The following MAP7 variants were observed in gnomAD, a reference collection of about 807,000 sequenced individuals.
The protein encoded by MAP7 is microtubule associated protein 7.
Under a neutral mutation model 94.8 loss-of-function variants are expected in MAP7, and 52 were observed. The ratio of observed to expected loss-of-function variants is 0.55; its 90% CI spans 0.44 to 0.69. The LOEUF (loss-of-function observed/expected upper bound fraction) is 0.69. Ranked by LOEUF, MAP7 falls within the 30% of genes least tolerant of loss-of-function variation. The pLI is 0.00. For missense variants in MAP7, 940 were observed against 964.6 expected, an observed-to-expected ratio of 0.97 and a Z score of 0.34; for synonymous variants, 350 against 357.0, an observed-to-expected ratio of 0.98 and a Z score of 0.22.
intron 1 of MAP7, among the ~76,000 whole-genome samples, chr6:136,521,290 G>A (rs1252581633): frequency 6.6e-6 from 1 of 152,146 alleles, no homozygotes; most frequent in South Asian, 2.1e-4. Context: ...TCTGTTTCAT[G>A]AGAAGTTTAT....
intron 1 of MAP7, among the ~76,000 whole-genome samples, chr6:136,481,638 TG>T (rs1812880920): frequency 6.6e-6 from 1 of 152,098 alleles, no homozygotes; most frequent in African/African-American, 2.4e-5. Context: ...GTGGTGGGGA[TG>T]GAGGGAGTAG....
chr6:136,449,726 G>GT (rs1456378266), intron 1 of MAP7, among the ~76,000 whole-genome samples: 1 of 152,214 alleles, frequency 6.6e-6, no homozygotes, highest in Non-Finnish European at 1.5e-5. Context: ...TTAATTTAAA[G>GT]GGGGGCAGAA....
intron 1 of MAP7, among the ~76,000 whole-genome samples, chr6:136,497,399 C>T (rs1448728153): frequency 6.6e-6 from 1 of 151,920 alleles, no homozygotes; most frequent in African/African-American, 2.4e-5. Flanking sequence ...GCAGCCACCT[C>T]CCCACACCAC....
intron 1 of MAP7, among the ~76,000 whole-genome samples, chr6:136,547,543 AGTG>A (rs1369345646): frequency 1.3e-5 from 2 of 152,124 alleles, no homozygotes. Context: ...GACATCCTCT[AGTG>A]GTGATGTCTT....
chr6:136,517,703 T>C (rs1353788056), intron 1 of MAP7, among the ~76,000 whole-genome samples: 1 of 152,214 alleles, frequency 6.6e-6, no homozygotes, highest in Non-Finnish European at 1.5e-5. Context: ...AAGCACTTTT[T>C]TCACAGTTTC....
chr6:136,429,277 G>T (rs906547686), intron 1 of MAP7, among the ~76,000 whole-genome samples: 20 of 152,168 alleles, frequency 1.3e-4, no homozygotes, highest in African/African-American at 3.9e-4. Flanking sequence ...GAGAATCTCA[G>T]GAATTAGAGT....
intron 1 of MAP7, among the ~76,000 whole-genome samples, chr6:136,471,240 G>T (rs1339470126): frequency 2.0e-5 from 3 of 152,148 alleles, no homozygotes; most frequent in African/African-American, 7.2e-5. Flanking sequence ...ATGCAAGCTG[G>T]TTTTGATCAT....
intron 1 of MAP7, among the ~76,000 whole-genome samples, chr6:136,465,416 C>T (rs887535901): frequency 6.6e-6 from 1 of 152,106 alleles, no homozygotes; most frequent in African/African-American, 2.4e-5. Flanking sequence ...AAATTCAGTG[C>T]TTATGCATCA....
intron 1 of MAP7, among the ~76,000 whole-genome samples, chr6:136,428,389 G>A (rs1269400849): frequency 1.3e-5 from 2 of 152,006 alleles, no homozygotes; most frequent in Non-Finnish European, 2.9e-5. Flanking sequence ...GGTGGTGCAC[G>A]CCTGTAATTA....
At chr6:136,470,941 T>C (rs1277273845) in intron 1 of MAP7, among the ~76,000 whole-genome samples, 3 of 152,224 alleles carry the variant, frequency 2.0e-5, no homozygotes, top group East Asian at 1.9e-4. Flanking sequence ...TAGAATCATA[T>C]ATACTAAATT....
intron 8 of MAP7, among the ~76,000 whole-genome samples, chr6:136,370,117 G>T (rs990815107): frequency 1.3e-5 from 2 of 152,140 alleles, no homozygotes; most frequent in African/African-American, 2.4e-5. Context: ...GCAAAGACTG[G>T]AATTGCCATT....
chr6:136,357,195 G>A (rs1294395102), intron 15 of MAP7, among the ~76,000 whole-genome samples: 1 of 152,068 alleles, frequency 6.6e-6, no homozygotes, highest in Non-Finnish European at 1.5e-5. Flanking sequence ...AAATCACCAA[G>A]GAACACCATA....
chr6:136,365,604 ATTAAAC>A (rs1794075450), intron 10 of MAP7, 125 bp downstream of exon 10: 1 of 942,830 alleles, frequency 1.1e-6, no homozygotes, highest in Admixed American at 2.8e-5. Context: ...AAGGAAAGGT[ATTAAAC>A]TTAACCTTAG....
chr6:136,496,707 A>C (rs1021104262), intron 1 of MAP7, among the ~76,000 whole-genome samples: 10 of 142,714 alleles, frequency 7.0e-5, no homozygotes, highest in African/African-American at 2.6e-4. Context: ...TGGGAGGCTG[A>C]GGAGGGTGGA....
chr6:136,371,173 T>C (rs1022213482), intron 8 of MAP7, among the ~76,000 whole-genome samples: 1 of 152,208 alleles, frequency 6.6e-6, no homozygotes, highest in African/African-American at 2.4e-5. Context: ...GATCATGTGA[T>C]GACAAATCTC....
chr6:136,541,446 C>A (rs1829309816), intron 1 of MAP7, among the ~76,000 whole-genome samples: 1 of 152,164 alleles, frequency 6.6e-6, no homozygotes, highest in Non-Finnish European at 1.5e-5. Flanking sequence ...GCTTACATAT[C>A]ATTTAATTTT....
At chr6:136,374,019 T>C (rs985093571) in intron 7 of MAP7, among the ~76,000 whole-genome samples, 2 of 152,230 alleles carry the variant, frequency 1.3e-5, no homozygotes, top group Non-Finnish European at 2.9e-5. Context: ...TGAGGTGCAG[T>C]GGCACGATCT....
At chr6:136,416,884 G>T (rs1480035084) in intron 2 of MAP7, among the ~76,000 whole-genome samples, 1 of 152,190 alleles carries the variant, frequency 6.6e-6, no homozygotes, top group Non-Finnish European at 1.5e-5. Flanking sequence ...GGCCAAGGCA[G>T]GAGGATTGCT....
chr6:136,435,733 G>T (rs1002878497), intron 1 of MAP7, among the ~76,000 whole-genome samples: 1 of 152,172 alleles, frequency 6.6e-6, no homozygotes, highest in African/African-American at 2.4e-5. Context: ...AGGAAAGAAG[G>T]AGAAAAATTA....
Sources: gnomAD v4.1 joint callset for allele counts (sites outside exome capture counted in the v4.1 genomes callset) on GRCh38, gnomAD v4.1.1 for gene constraint, MANE v1.5 for transcripts, NCBI Gene and HGNC (gene_info 2026-07-23, HGNC 2026-07-21) for gene names.